Variants in PDE1A observed in about 807,000 individuals in gnomAD.
PDE1A encodes the protein phosphodiesterase 1A.
A neutral mutation model predicts 61.7 loss-of-function variants in PDE1A; 35 were observed. The observed-to-expected ratio is 0.57, with a 90% CI of 0.43 to 0.75. The LOEUF is 0.75. Among genes scored for constraint, PDE1A ranks in the 30% least tolerant of loss-of-function variants. The pLI is 0.00. For synonymous variants in PDE1A, 232 were observed against 213.2 expected, an observed-to-expected ratio of 1.09 and a Z score of -0.77; for missense variants, 597 against 630.6, an observed-to-expected ratio of 0.95 and a Z score of 0.57.
At chr2:182,264,087 C>T (rs534238113) in intron 2 of PDE1A, among the ~76,000 whole-genome samples, 4 of 152,146 alleles carry the variant, frequency 2.6e-5, no homozygotes, top group African/African-American at 9.6e-5. Context: ...TTATGACATT[C>T]AAACATTTGG....
intron 1 of PDE1A, among the ~76,000 whole-genome samples, chr2:182,320,180 G>C (rs1424916535): frequency 6.6e-6 from 1 of 152,142 alleles, no homozygotes; most frequent in Non-Finnish European, 1.5e-5. Flanking sequence ...CCTAATATTA[G>C]TGACAACATA....
Position 182,223,967 on chromosome 2 carries a change from A to G in PDE1A, c.676-3T>C. Reference sequence around the variant, plus strand: ...ATTTCCAGTTCAGTGAGCCAGTGCTAGTAAATTACAGAAAGAATCCATTAT... The same window carrying G: ...ATTTCCAGTTCAGTGAGCCAGTGCTGGTAAATTACAGAAAGAATCCATTAT... On this transcript the variant is annotated splice_region_variant and splice_polypyrimidine_tract_variant and intron_variant, in intron 6 of 13. Transcript: ENST00000351439. 1 of 1,588,654 alleles carries G rather than the reference A, an allele frequency of 6.3e-7. No individual in the cohort carries two copies. Among genetic ancestry groups the G allele is most frequent in the Non-Finnish European group, 8.6e-7 (1 of 1,161,548 alleles).
chr2:182,230,076 T>C, exon 6 of PDE1A: 1 of 1,613,040 alleles, frequency 6.2e-7, no homozygotes. Context: ...CAAATTGTGA[T>C]ATGGATTTTT....
chr2:182,417,212 T>C (rs79096771), intron 1 of PDE1A, among the ~76,000 whole-genome samples: 3,529 of 152,310 alleles, frequency 0.023, 63 homozygotes, highest in South Asian at 0.048. Flanking sequence ...TTAGCTGATG[T>C]TATACCACTT....
chr2:182,452,788 C>T (rs138039589), intron 2 of PDE1A, among the ~76,000 whole-genome samples: 7 of 152,228 alleles, frequency 4.6e-5, no homozygotes, highest in Non-Finnish European at 1.0e-4. Flanking sequence ...TTTAAGTCTG[C>T]TAAAGCCCTG....
At chr2:182,687,838 C>A in the PDE1A span, among the ~76,000 whole-genome samples, 7 of 152,102 alleles carry the variant, frequency 4.6e-5, no homozygotes, top group Non-Finnish European at 7.4e-5. Flanking sequence ...CCTTAAAGGA[C>A]CTGATGGAGC....
At chr2:182,685,116 C>T in the PDE1A span, among the ~76,000 whole-genome samples, 1 of 149,286 alleles carries the variant, frequency 6.7e-6, no homozygotes, top group Admixed American at 6.7e-5. Flanking sequence ...TATATATATA[C>T]ACACACACAC....
At chr2:182,506,698 T>A (rs1037078731) in intron 2 of PDE1A, among the ~76,000 whole-genome samples, 1 of 152,204 alleles carries the variant, frequency 6.6e-6, no homozygotes, top group African/African-American at 2.4e-5. Context: ...AGGAACAAGA[T>A]GCAACATCAC....
chr2:182,152,902 A>G (rs1257227965), intron 13 of PDE1A, among the ~76,000 whole-genome samples: 6 of 152,228 alleles, frequency 3.9e-5, no homozygotes, highest in Non-Finnish European at 7.3e-5. Flanking sequence ...CCAACCCTGT[A>G]AAATTAGAGC....
intron 2 of PDE1A, among the ~76,000 whole-genome samples, chr2:182,250,542 A>C (rs1691318464): frequency 6.6e-6 from 1 of 151,324 alleles, no homozygotes; most frequent in East Asian, 2.0e-4. Flanking sequence ...CAAGCTTACC[A>C]ATTTATCTCA....
At chr2:182,191,858 A>C (rs112013501) in intron 10 of PDE1A, among the ~76,000 whole-genome samples, 1 of 136,456 alleles carries the variant, frequency 7.3e-6, no homozygotes, top group Admixed American at 7.3e-5. Context: ...TTTTTTTTTT[A>C]TTTTTTTATT....
At chr2:182,535,724 G>A in the PDE1A span, among the ~76,000 whole-genome samples, 1 of 152,054 alleles carries the variant, frequency 6.6e-6, no homozygotes, top group Non-Finnish European at 1.5e-5. Flanking sequence ...ATTGTTTTCA[G>A]TTGGAATGAA....
At chr2:182,660,884 G>A in the PDE1A span, among the ~76,000 whole-genome samples, 47 of 152,240 alleles carry the variant, frequency 3.1e-4, 1 homozygote, top group East Asian at 3.9e-4. Flanking sequence ...CAGACTCCTC[G>A]CCCTGGAAAC....
At chr2:182,178,673 G>A (rs540898055) in intron 13 of PDE1A, among the ~76,000 whole-genome samples, 4 of 152,232 alleles carry the variant, frequency 2.6e-5, no homozygotes, top group African/African-American at 9.6e-5. Context: ...TAGAGGAGGG[G>A]TGGCTGTGTA....
intron 2 of PDE1A, among the ~76,000 whole-genome samples, chr2:182,452,286 T>C (rs1209300688): frequency 6.6e-6 from 1 of 152,102 alleles, no homozygotes; most frequent in African/African-American, 2.4e-5. Flanking sequence ...TCTCAAGTTA[T>C]TTGATTGATC....
chr2:182,169,118 G>A (rs1304517288), intron 13 of PDE1A, among the ~76,000 whole-genome samples: 1 of 151,838 alleles, frequency 6.6e-6, no homozygotes, highest in Non-Finnish European at 1.5e-5. Context: ...AAACTCATAA[G>A]CATTAAGATG....
At chr2:182,291,307 C>A (rs1694516545) in intron 1 of PDE1A, among the ~76,000 whole-genome samples, 1 of 152,170 alleles carries the variant, frequency 6.6e-6, no homozygotes, top group Non-Finnish European at 1.5e-5. Flanking sequence ...CTCACCATAT[C>A]TACACCTGGA....
chr2:182,349,304 C>T (rs972875251), intron 1 of PDE1A, among the ~76,000 whole-genome samples: 2 of 152,132 alleles, frequency 1.3e-5, no homozygotes, highest in African/African-American at 2.4e-5. Flanking sequence ...ACACACTTTC[C>T]ATTTCTCTTT....
chr2:182,187,737 C>CTTTTTTTTTTTTTTTTTTTTTTT (rs1038970569), intron 11 of PDE1A, among the ~76,000 whole-genome samples: 3 of 66,384 alleles, frequency 4.5e-5, no homozygotes, highest in African/African-American at 6.5e-5. Context: ...TTTTTTTGTT[C>CTTTTTTTTTTTTTTTTTTTTTTT]TTTTTTTTTT....
Sources: gnomAD v4.1 joint callset for allele counts (sites outside exome capture counted in the v4.1 genomes callset) on GRCh38, gnomAD v4.1.1 for gene constraint, MANE v1.5 for transcripts, NCBI Gene and HGNC (gene_info 2026-07-23, HGNC 2026-07-21) for gene names.